DMD: variants seen among roughly 807,000 people sequenced by gnomAD.
DMD encodes mutant dystrophin.
In DMD, 63 loss-of-function variants were observed where a neutral mutation model predicts 330.1. The observed-to-expected ratio is 0.19, with a 90% CI of 0.16 to 0.24. The LOEUF is 0.24. Ranked by LOEUF, DMD falls within the 10% of genes least tolerant of loss-of-function variation. The pLI is 1.00. For missense variants in DMD, 3,344 were observed against 2,684.1 expected, an observed-to-expected ratio of 1.25 and a Z score of -5.43; for synonymous variants, 1,223 against 959.8, an observed-to-expected ratio of 1.27 and a Z score of -5.07.
chrX:32,214,581 C>T (rs142032289), intron 44 of DMD, among the ~76,000 whole-genome samples: 5 of 111,700 alleles, frequency 4.5e-5, no homozygotes, highest in East Asian at 2.8e-4. Flanking sequence ...CCTGTTCCCA[C>T]GAGCCCCAGT....
intron 1 of DMD, among the ~76,000 whole-genome samples, chrX:33,271,765 C>CAA (rs1157712032): frequency 5.2e-5 from 2 of 38,311 alleles, no homozygotes; most frequent in African/African-American, 8.6e-5. Flanking sequence ...GACTCTGTCT[C>CAA]AAAAAAAAAA....
intron 1 of DMD, among the ~76,000 whole-genome samples, chrX:33,125,546 C>T (rs2095458321): frequency 9.0e-6 from 1 of 111,522 alleles, no homozygotes; most frequent in African/African-American, 3.3e-5. Flanking sequence ...CATTAGAATA[C>T]ATCAAAAGCT....
chrX:31,340,632 C>T (rs1369358837), intron 61 of DMD, among the ~76,000 whole-genome samples: 1 of 112,015 alleles, frequency 8.9e-6, no homozygotes, highest in East Asian at 2.8e-4. Context: ...TTGATAAAAA[C>T]GACCATATAA....
chrX:32,280,006 C>CATAT (rs201513891), intron 43 of DMD, among the ~76,000 whole-genome samples: 3 of 67,017 alleles, frequency 4.5e-5, no homozygotes, highest in Non-Finnish European at 8.2e-5. Flanking sequence ...ATGTACCCCA[C>CATAT]ATATATATAT....
intron 44 of DMD, among the ~76,000 whole-genome samples, chrX:32,156,493 T>A (rs398124022): frequency 3.6e-5 from 4 of 112,496 alleles, no homozygotes; most frequent in African/African-American, 9.7e-5. Flanking sequence ...CAATTTCTAA[T>A]ATCATAATAG....
At chrX:32,481,055 T>C (rs1293558380) in intron 21 of DMD, among the ~76,000 whole-genome samples, 2 of 110,922 alleles carry the variant, frequency 1.8e-5, no homozygotes, top group African/African-American at 6.5e-5. Context: ...CATCAAACTT[T>C]GTTTTAATTC....
At chrX:32,767,684 G>A (rs1450759199) in intron 7 of DMD, among the ~76,000 whole-genome samples, 2 of 111,643 alleles carry the variant, frequency 1.8e-5, no homozygotes, top group Admixed American at 1.9e-4. Flanking sequence ...TTAAGCTAAT[G>A]CTATTTTGTC....
At chrX:32,799,759 A>G (rs767022128) in intron 7 of DMD, among the ~76,000 whole-genome samples, 57 of 111,035 alleles carry the variant, frequency 5.1e-4, no homozygotes, top group Non-Finnish European at 9.3e-4. Context: ...TTAAAGAGAT[A>G]TACCTATTAT....
chrX:31,961,578 G>C (rs965970207), intron 45 of DMD, among the ~76,000 whole-genome samples: 1 of 110,850 alleles, frequency 9.0e-6, no homozygotes, highest in Non-Finnish European at 1.9e-5. Context: ...TTACATGAGT[G>C]TTATAAAAAG....
intron 2 of DMD, among the ~76,000 whole-genome samples, chrX:32,921,660 A>G (rs1188411982): frequency 8.9e-6 from 1 of 111,741 alleles, no homozygotes; most frequent in East Asian, 2.8e-4. Context: ...AGCTAACATA[A>G]TAGGAGAAAC....
intron 55 of DMD, among the ~76,000 whole-genome samples, chrX:31,548,253 G>T (rs1010976905): frequency 1.8e-5 from 2 of 111,844 alleles, no homozygotes; most frequent in Admixed American, 1.9e-4. Flanking sequence ...TAGCAATGCA[G>T]AATCGCAGGC....
At chrX:31,189,916 C>T (rs2042155395) in intron 67 of DMD, among the ~76,000 whole-genome samples, 1 of 112,411 alleles carries the variant, frequency 8.9e-6, no homozygotes, top group African/African-American at 3.2e-5. Flanking sequence ...AGTAAATGTC[C>T]TTGTGTTGGT....
chrX:32,518,124 C>T lies in DMD; in HGVS notation c.2176G>A (p.Val726Ile), dbSNP rs886044365. 5 of 1,207,749 alleles carry T rather than the reference C, an allele frequency of 4.1e-6. No individual in the cohort carries two copies. In the African/African-American group the frequency reaches 8.7e-5, roughly 21 times the overall value. Residue 726 changes from valine (V) to isoleucine (I), a missense_variant, in exon 18 of 79, where the codon GTT becomes ATT. Coordinates refer to ENST00000357033, the MANE Select transcript of DMD (RefSeq NM_004006.3). ...CAGCTGTGAAGTTCAGTTATATCAA[C>T]ATCCAACCTAAGACAGCAAAAAATA... The part of the protein sequence containing the change: ...VDSEIRKRLD[V>I]DITELHSWIT...
intron 1 of DMD, among the ~76,000 whole-genome samples, chrX:33,280,462 GT>G (rs925484754): frequency 9.0e-6 from 1 of 111,636 alleles, no homozygotes; most frequent in African/African-American, 3.3e-5. Context: ...TTCTTCTGAT[GT>G]TTAGATCAAG....
intron 7 of DMD, among the ~76,000 whole-genome samples, chrX:32,752,113 T>C (rs926374743): frequency 8.9e-6 from 1 of 111,932 alleles, no homozygotes; most frequent in African/African-American, 3.3e-5. Flanking sequence ...GAGACCCTAC[T>C]AGAGCACTGT....
chrX:31,217,685 T>TA (rs945983899), intron 64 of DMD, among the ~76,000 whole-genome samples: 2 of 112,077 alleles, frequency 1.8e-5, no homozygotes, highest in Non-Finnish European at 3.8e-5. Context: ...AAGCTAAATC[T>TA]AAGCAAATAT....
intron 62 of DMD, among the ~76,000 whole-genome samples, chrX:31,291,272 A>T (rs1189445985): frequency 9.0e-6 from 1 of 110,827 alleles, no homozygotes; most frequent in Non-Finnish European, 1.9e-5. Flanking sequence ...ATTACTCAAC[A>T]TTTAAATATT....
At chrX:31,351,116 A>G in intron 60 of DMD, among the ~76,000 whole-genome samples, 1 of 108,759 alleles carries the variant, frequency 9.2e-6, no homozygotes, top group South Asian at 4.1e-4. Flanking sequence ...GCATGAGATA[A>G]TACTTAATTT....
intron 43 of DMD, among the ~76,000 whole-genome samples, chrX:32,273,427 T>A (rs1270092687): frequency 3.6e-5 from 4 of 109,745 alleles, no homozygotes; most frequent in South Asian, 7.8e-4. Flanking sequence ...CAAAAAAAAA[T>A]AAATAAGTAA....
Sources: gnomAD v4.1 joint callset for allele counts (sites outside exome capture counted in the v4.1 genomes callset) on GRCh38, gnomAD v4.1.1 for gene constraint, MANE v1.5 for transcripts, NCBI Gene and HGNC (gene_info 2026-07-23, HGNC 2026-07-21) for gene names.